RYR2: variants seen among roughly 807,000 people sequenced by gnomAD.
The protein encoded by RYR2 is ryanodine receptor 2, also known as cardiac muscle ryanodine receptor-calcium release channel.
A neutral mutation model predicts 601.1 loss-of-function variants in RYR2; 227 were observed. That is an observed-to-expected ratio of 0.38 (90% CI 0.34 to 0.42). The LOEUF is 0.42. RYR2 is among the 10% of genes least tolerant of loss of function. The probability of loss-of-function intolerance (pLI) is 1.00; values close to 1 mark genes in which losing one functional copy is unlikely to be tolerated. For synonymous variants in RYR2, 2,223 were observed against 2,175.1 expected (o/e 1.02, Z -0.61); for missense variants, 4,646 against 6,156.5 (o/e 0.75, Z 8.21).
chr1:237,787,621 A>G (rs1298712208), intron 91 of RYR2, among the ~76,000 whole-genome samples: 1 of 148,900 alleles, frequency 6.7e-6, no homozygotes, highest in Non-Finnish European at 1.5e-5. Context: ...AAAAAAAAGG[A>G]TTGAAATTAT....
chr1:237,785,623 T>G (rs1308348830), intron 90 of RYR2, among the ~76,000 whole-genome samples: 1 of 152,166 alleles, frequency 6.6e-6, no homozygotes, highest in African/African-American at 2.4e-5. Flanking sequence ...CCGCTATGGT[T>G]TAAAGTAGTT....
chr1:237,512,935 C>T (rs375913484), intron 24 of RYR2, among the ~76,000 whole-genome samples: 7 of 152,068 alleles, frequency 4.6e-5, no homozygotes, highest in Non-Finnish European at 8.8e-5. Context: ...CCCAGGCTGG[C>T]GAGCAACGGC....
intron 29 of RYR2, among the ~76,000 whole-genome samples, chr1:237,585,040 T>A (rs61832626): frequency 1.3e-5 from 2 of 152,000 alleles, no homozygotes; most frequent in Admixed American, 1.3e-4. Context: ...TTGGCCCTGC[T>A]GTTTTAAGTA....
intron 94 of RYR2, among the ~76,000 whole-genome samples, chr1:237,793,311 C>T (rs1289066879): frequency 2.6e-5 from 4 of 152,036 alleles, no homozygotes; most frequent in Admixed American, 1.3e-4. Context: ...AAAGTCTGTC[C>T]GTGTAAAAAG....
At chr1:237,791,609 G>T in intron 93 of RYR2, 94 bp downstream of exon 93, 1 of 711,718 alleles carries the variant, frequency 1.4e-6, no homozygotes. Context: ...TACTGCTAGT[G>T]AACATGTCTA....
chr1:237,205,057 A>T (rs1681649723), intron 1 of RYR2, among the ~76,000 whole-genome samples: 1 of 152,166 alleles, frequency 6.6e-6, no homozygotes. Flanking sequence ...CAGTAGGGCC[A>T]GGTGGGGCCT....
intron 1 of RYR2, among the ~76,000 whole-genome samples, chr1:237,115,474 C>T (rs10925318): frequency 0.4 from 60,999 of 152,044 alleles, 13,956 homozygotes; most frequent in Admixed American, 0.57. Context: ...GTAATCAAGG[C>T]GGTTGCAAAG....
chr1:237,199,581 C>T (rs979852826), intron 1 of RYR2, among the ~76,000 whole-genome samples: 6 of 152,312 alleles, frequency 3.9e-5, no homozygotes, highest in African/African-American at 9.6e-5. Flanking sequence ...GAGGATGGGT[C>T]GGCCTCTCCC....
Position 237,798,664 on chromosome 1 carries a change from A to ATAGCATTAGAAATAATATACCG in RYR2, c.14090+495_14090+496insAGCATTAGAAATAATATACCGT, listed in dbSNP as rs1558440568. On this transcript the variant is annotated intron_variant, in intron 97 of 104. Coordinates refer to ENST00000366574, the MANE Select transcript of RYR2 (RefSeq NM_001035.3). ...CTTAGTGCGTCAGAAATAATATACC[A>ATAGCATTAGAAATAATATACCG]TCATACCATTACTTGTAAAGTTTAC... 1.3e-5 allele frequency among the ~76,000 whole-genome samples: 2 copies of ATAGCATTAGAAATAATATACCG among 151,720 alleles called. 1 individual carries two copies. The highest frequency in any genetic ancestry group is 4.8e-5 in the African/African-American group (2 of 41,352).
intron 20 of RYR2, among the ~76,000 whole-genome samples, chr1:237,500,363 A>G (rs1664501609): frequency 6.6e-6 from 1 of 152,158 alleles, no homozygotes; most frequent in Non-Finnish European, 1.5e-5. Context: ...TACAAGTAGT[A>G]GATGGTAAGG....
chr1:237,322,783 A>C (rs1403462632), intron 2 of RYR2, among the ~76,000 whole-genome samples: 4 of 151,680 alleles, frequency 2.6e-5, no homozygotes, highest in Non-Finnish European at 5.9e-5. Context: ...ATAGGCTAAC[A>C]TGTAGGATAT....
At chr1:237,670,935 C>G (rs901389324) in intron 58 of RYR2, among the ~76,000 whole-genome samples, 22 of 152,266 alleles carry the variant, frequency 1.4e-4, no homozygotes, top group Non-Finnish European at 2.6e-4. Context: ...ATATGCTTTT[C>G]TAAATAAGCA....
intron 1 of RYR2, among the ~76,000 whole-genome samples, chr1:237,065,506 C>T (rs1030337081): frequency 1.3e-5 from 2 of 151,748 alleles, no homozygotes; most frequent in East Asian, 1.9e-4. Context: ...AGGCTGGTCT[C>T]GAACTCCTGA....
intron 3 of RYR2, among the ~76,000 whole-genome samples, chr1:237,345,490 A>ATG: frequency 6.6e-6 from 1 of 150,470 alleles, no homozygotes; most frequent in African/African-American, 2.4e-5. Context: ...ATAAAAAAAA[A>ATG]TATATATATG....
At chr1:237,779,591 T>G (rs574966673) in intron 88 of RYR2, among the ~76,000 whole-genome samples, 2 of 152,208 alleles carry the variant, frequency 1.3e-5, no homozygotes, top group South Asian at 4.1e-4. Flanking sequence ...AGGCCTTGTT[T>G]CTCTGCAGTA....
rs778591641 is a variant in RYR2, at chr1:237,700,384, A to G, written c.9284A>G (p.Asn3095Ser). ...NQPKGVTQIINYTTVALLPML... is the reference protein window; with the variant it reads ...NQPKGVTQIISYTTVALLPML... ...CCCAAAGGGGTTACTCAGATTATCA[A>G]TTACACCACAGTGGCCCTGCTGCCA... Residue 3095 changes from asparagine (N) to serine (S), a missense_variant, in exon 65 of 105, where the codon AAT becomes AGT. This residue lies in a region of RYR2 where 1,497 missense variants were observed against 1,842.6 expected (regional missense o/e 0.81). Transcript: ENST00000366574. 1.1e-5 allele frequency: 18 copies of G among 1,608,298 alleles called. No homozygotes were observed. Among genetic ancestry groups the G allele is most frequent in the Admixed American group, 1.0e-4 (6 of 59,312 alleles).
intron 1 of RYR2, among the ~76,000 whole-genome samples, chr1:237,147,240 G>C (rs1674100253): frequency 6.6e-6 from 1 of 152,128 alleles, no homozygotes; most frequent in South Asian, 2.1e-4. Context: ...ATGATTTTTA[G>C]AGCATTTTTA....
intron 1 of RYR2, among the ~76,000 whole-genome samples, chr1:237,133,950 AGTC>A (rs1672470323): frequency 6.8e-6 from 1 of 146,506 alleles, no homozygotes. Flanking sequence ...ACCAAGTGGG[AGTC>A]ATCCCTTAGT....
At chr1:237,170,767 C>A (rs962782906) in intron 1 of RYR2, among the ~76,000 whole-genome samples, 1 of 152,086 alleles carries the variant, frequency 6.6e-6, no homozygotes, top group Admixed American at 6.6e-5. Context: ...TGGAGGAAGA[C>A]ATGGCTGGTG....
Sources: gnomAD v4.1 joint callset for allele counts (sites outside exome capture counted in the v4.1 genomes callset) on GRCh38, gnomAD v4.1.1 for gene constraint, gnomAD v4.1.1 regional missense constraint, MANE v1.5 for transcripts, NCBI Gene and HGNC (gene_info 2026-07-23, HGNC 2026-07-21) for gene names.